The following MBNL2 variants were observed in gnomAD, a reference collection of about 807,000 sequenced individuals.
MBNL2 encodes the protein muscleblind-like protein 2.
Under a neutral mutation model 41.9 loss-of-function variants are expected in MBNL2, and 17 were observed. That is an observed-to-expected ratio of 0.41 (90% CI 0.28 to 0.61). The LOEUF is 0.61. MBNL2 is among the 20% of genes least tolerant of loss of function. The probability of loss-of-function intolerance (pLI) is 0.35; values close to 1 mark genes in which losing one functional copy is unlikely to be tolerated. For missense variants in MBNL2, 336 were observed against 505.6 expected (o/e 0.66, Z 3.22); for synonymous variants, 195 against 182.9 (o/e 1.07, Z -0.53).
intron 1 of MBNL2, among the ~76,000 whole-genome samples, chr13:97,256,352 A>ATT (rs564441578): frequency 9.1e-4 from 135 of 148,980 alleles, no homozygotes; most frequent in African/African-American, 3.2e-3. Context: ...TTTTTAATCA[A>ATT]TTTTTTTTTT....
chr13:97,267,819 A>G (rs2050115636), intron 1 of MBNL2, among the ~76,000 whole-genome samples: 1 of 152,200 alleles, frequency 6.6e-6, no homozygotes, highest in South Asian at 2.1e-4. Context: ...CACTCTTACA[A>G]TTGTTTCTAG....
intron 1 of MBNL2, among the ~76,000 whole-genome samples, chr13:97,275,293 G>A (rs1229437545): frequency 6.6e-6 from 1 of 152,108 alleles, no homozygotes; most frequent in East Asian, 1.9e-4. Flanking sequence ...TAAAATCAAT[G>A]GCCTAAATGT....
chr13:97,165,822 GTCTCTTTATTT>G, the MBNL2 span, among the ~76,000 whole-genome samples: 132 of 152,276 alleles, frequency 8.7e-4, no homozygotes, highest in African/African-American at 3.0e-3. Context: ...ACCTTGTCTA[GTCTCTTTATTT>G]TCTCTTTATA....
intron 2 of MBNL2, among the ~76,000 whole-genome samples, chr13:97,277,001 G>A (rs566097121): frequency 1.3e-5 from 2 of 152,240 alleles, no homozygotes; most frequent in African/African-American, 4.8e-5. Context: ...TGTCTGGCAG[G>A]GACAATTCAG....
Position 97,233,674 on chromosome 13 carries a change from GT to G in MBNL2, c.-605+11156del, listed in dbSNP as rs1178454100. Among the ~76,000 whole-genome samples, 477 of 143,136 alleles carry G rather than the reference GT, an allele frequency of 3.3e-3. 3 individuals are homozygous for G. The highest frequency in any genetic ancestry group is 9.5e-3 in the African/African-American group (374 of 39,316). 93.9% of individuals were successfully genotyped at this position (143,136 alleles called of 152,430 possible). ...CAAGCTCTATCTCTAGAGTTTCCCT[GT>G]TTTTTTTTTTTTCTTTAAAGTTCCC... On this transcript the variant is annotated intron_variant, in intron 1 of 8. Transcript: ENST00000679496.
At position 97,394,083 on chromosome 13, in the gene MBNL2, A is replaced by G. The variant is rs1170811095; in HGVS notation, c.*2634A>G. ...TTGTAATATTCAGTTCACTCACCCA[A>G]TGTACAACCAATGAAATAAAAGAAG... On this transcript the variant is annotated 3_prime_UTR_variant, in exon 9 of 9. Transcript: ENST00000679496. The G allele has an allele frequency of 6.6e-6, 1 of 152,582 alleles. No individual in the cohort carries two copies. The highest frequency in any genetic ancestry group is 1.5e-5 in the Non-Finnish European group (1 of 68,010). The allele number at this position is 152,582 out of a possible 1,614,324, so 9.5% of individuals were successfully genotyped here.
intron 7 of MBNL2, among the ~76,000 whole-genome samples, chr13:97,362,802 A>G (rs1373197973): frequency 6.6e-6 from 1 of 152,178 alleles, no homozygotes; most frequent in African/African-American, 2.4e-5. Flanking sequence ...GCCTAGAGAT[A>G]ATAGTGACCA....
chr13:97,358,041 TA>T (rs886783376), intron 7 of MBNL2, among the ~76,000 whole-genome samples: 1 of 152,244 alleles, frequency 6.6e-6, no homozygotes, highest in African/African-American at 2.4e-5. Context: ...TTCAGAGCAC[TA>T]AAACAATGAG....
chr13:97,200,569 A>C, the MBNL2 span, among the ~76,000 whole-genome samples: 2 of 152,212 alleles, frequency 1.3e-5, no homozygotes, highest in Non-Finnish European at 2.9e-5. Context: ...ACAACAAAAA[A>C]ATCCTCTTGG....
chr13:97,311,428 A>G (rs576620523), intron 2 of MBNL2, among the ~76,000 whole-genome samples: 1 of 152,216 alleles, frequency 6.6e-6, no homozygotes, highest in Non-Finnish European at 1.5e-5. Flanking sequence ...TTTAAGCGTG[A>G]ATCCCCTCTC....
At chr13:97,294,865 C>T (rs898702474) in intron 2 of MBNL2, among the ~76,000 whole-genome samples, 2 of 152,208 alleles carry the variant, frequency 1.3e-5, no homozygotes, top group African/African-American at 4.8e-5. Context: ...ACCTGCCCTA[C>T]ACCCTTTGGC....
At chr13:97,293,847 G>A (rs1043614194) in intron 2 of MBNL2, among the ~76,000 whole-genome samples, 4 of 151,246 alleles carry the variant, frequency 2.6e-5, no homozygotes, top group Non-Finnish European at 4.4e-5. Context: ...GTGGTATTTG[G>A]TTACATGAGT....
At chr13:97,166,638 G>C in the MBNL2 span, among the ~76,000 whole-genome samples, 1 of 152,114 alleles carries the variant, frequency 6.6e-6, no homozygotes, top group Admixed American at 6.5e-5. Flanking sequence ...CCTTTCTCCA[G>C]TGCTGGATGC....
intron 2 of MBNL2, among the ~76,000 whole-genome samples, chr13:97,309,753 A>G (rs888790034): frequency 6.6e-6 from 1 of 152,242 alleles, no homozygotes; most frequent in Non-Finnish European, 1.5e-5. Flanking sequence ...GATGAAAAAT[A>G]TCATAGCGAG....
At chr13:97,382,979 T>C (rs181149124) in intron 8 of MBNL2, among the ~76,000 whole-genome samples, 38 of 152,312 alleles carry the variant, frequency 2.5e-4, no homozygotes, top group African/African-American at 8.4e-4. Context: ...ACAGTGCTCT[T>C]GAATATGTCT....
At chr13:97,176,443 G>A in the MBNL2 span, among the ~76,000 whole-genome samples, 3 of 152,086 alleles carry the variant, frequency 2.0e-5, no homozygotes, top group African/African-American at 7.2e-5. Context: ...AAGTGGAAAG[G>A]CCTTAATTTC....
chr13:97,146,999 G>A, the MBNL2 span, among the ~76,000 whole-genome samples: 2 of 152,178 alleles, frequency 1.3e-5, no homozygotes, highest in African/African-American at 4.8e-5. Context: ...TAGGAATATG[G>A]CAGAGGTCAA....
intron 1 of MBNL2, among the ~76,000 whole-genome samples, chr13:97,251,702 A>C (rs1250192868): frequency 6.6e-6 from 1 of 152,126 alleles, no homozygotes. Context: ...TGGTGAATCG[A>C]TTGGTGAATA....
chr13:97,238,739 G>A (rs1398473674), intron 1 of MBNL2, among the ~76,000 whole-genome samples: 2 of 151,860 alleles, frequency 1.3e-5, no homozygotes, highest in African/African-American at 4.9e-5. Context: ...GCAGAGAAGA[G>A]GCAGGGATAA....
Sources: allele counts gnomAD v4.1 joint callset (sites outside exome capture counted in the v4.1 genomes callset), GRCh38; gene constraint gnomAD v4.1.1; transcripts MANE v1.5; gene names NCBI Gene and HGNC (gene_info 2026-07-23, HGNC 2026-07-21).